Variants in REV3L observed in about 807,000 individuals in gnomAD.
The protein encoded by REV3L is REV3 like, DNA directed polymerase zeta catalytic subunit.
REV3L carries 69 observed loss-of-function variants against 299.4 expected under a neutral mutation model. The observed-to-expected ratio is 0.23, with a 90% CI of 0.19 to 0.28. The LOEUF is 0.28. Among genes scored for constraint, REV3L ranks in the 10% least tolerant of loss-of-function variants. The pLI, the probability that REV3L is intolerant of heterozygous loss-of-function variation, is 1.00. For synonymous variants in REV3L, 1,238 were observed against 1,271.4 expected, an observed-to-expected ratio of 0.97 and a Z score of 0.56; for missense variants, 3,128 against 3,693.8, an observed-to-expected ratio of 0.85 and a Z score of 3.97.
intron 12 of REV3L, 31 bp downstream of exon 12, chr6:111,377,670 C>T (rs773608342): frequency 1.3e-6 from 2 of 1,595,610 alleles, no homozygotes; most frequent in South Asian, 1.1e-5. Flanking sequence ...TCGTGAATAA[C>T]CAATTTCTCA....
intron 18 of REV3L, 30 bp from the exon 19 acceptor site, chr6:111,351,821 A>G: frequency 6.4e-6 from 9 of 1,405,150 alleles, no homozygotes; most frequent in Non-Finnish European, 9.0e-6. Flanking sequence ...AAGTTATATA[A>G]GTACCATACA....
At chr6:111,365,387 C>G in intron 14 of REV3L, 43 bp from the exon 15 acceptor site, 1 of 1,180,602 alleles carries the variant, frequency 8.5e-7, no homozygotes, top group Non-Finnish European at 1.2e-6. Flanking sequence ...ATCAAAATTA[C>G]CTGCTTCTGG....
intron 19 of REV3L, among the ~76,000 whole-genome samples, chr6:111,349,891 A>G (rs1212694150): frequency 6.6e-6 from 1 of 152,230 alleles, no homozygotes; most frequent in Non-Finnish European, 1.5e-5. Flanking sequence ...TCTTGAATGC[A>G]TATGGAGAAC....
chr6:111,463,032 C>T (rs1289264593), intron 1 of REV3L, among the ~76,000 whole-genome samples: 1 of 152,108 alleles, frequency 6.6e-6, no homozygotes, highest in African/African-American at 2.4e-5. Context: ...CTTGCAGTAG[C>T]TACTCTAGCT....
At chr6:111,418,431 G>C (rs763370578) in intron 1 of REV3L, among the ~76,000 whole-genome samples, 1 of 152,146 alleles carries the variant, frequency 6.6e-6, no homozygotes, top group Non-Finnish European at 1.5e-5. Context: ...CACATCTCCT[G>C]TGAAGTAGGG....
At chr6:111,442,524 T>C (rs1032524061) in intron 1 of REV3L, among the ~76,000 whole-genome samples, 1 of 152,256 alleles carries the variant, frequency 6.6e-6, no homozygotes, top group Admixed American at 6.5e-5. Flanking sequence ...AAACTGTCTA[T>C]ATATTAAGTA....
At chr6:111,425,512 A>T (rs1786071395) in intron 1 of REV3L, among the ~76,000 whole-genome samples, 1 of 152,172 alleles carries the variant, frequency 6.6e-6, no homozygotes, top group Admixed American at 6.5e-5. Flanking sequence ...AAATCACTGA[A>T]GAAATAAACT....
intron 1 of REV3L, among the ~76,000 whole-genome samples, chr6:111,455,590 C>T (rs921223603): frequency 2.0e-5 from 3 of 151,908 alleles, no homozygotes; most frequent in Non-Finnish European, 4.4e-5. Flanking sequence ...AACTGGGAGG[C>T]TATTATGATG....
chr6:111,302,458 C>T (rs576210908), intron 31 of REV3L, among the ~76,000 whole-genome samples: 2 of 152,128 alleles, frequency 1.3e-5, no homozygotes, highest in Non-Finnish European at 2.9e-5. Flanking sequence ...TGGTTTAAAC[C>T]CTGAGCATTA....
chr6:111,313,558 T>G, intron 27 of REV3L, 69 bp from the exon 28 acceptor site: 1 of 1,436,280 alleles, frequency 7.0e-7, no homozygotes, highest in Non-Finnish European at 9.3e-7. Context: ...TATTTTTATG[T>G]CTTTGTGCTT....
In REV3L at chr6:111,425,628, CACAA is replaced by C. The variant is rs533547926; in HGVS notation, c.140-9160_140-9157del. ...TCAACAAAAATAAAATTATAAAACA[CACAA>C]ACAGGCAAATATGGCACCATATATA... On this transcript the variant is annotated intron_variant, in intron 1 of 31. Coordinates refer to ENST00000368802, the MANE Select transcript of REV3L (RefSeq NM_001372078.1). Among the ~76,000 whole-genome samples the C allele has an allele frequency of 3.3e-5, 5 of 152,056 alleles. No individual in the cohort carries two copies. In the East Asian group the frequency reaches 9.7e-4, roughly 29 times the overall value.
At chr6:111,368,078 C>T (rs981453973) in intron 13 of REV3L, 50 bp from the exon 14 acceptor site, 2 of 1,460,504 alleles carry the variant, frequency 1.4e-6, no homozygotes, top group Non-Finnish European at 1.8e-6. Context: ...GAGCAATTAC[C>T]AAAATATTTA....
At chr6:111,475,554 G>A (rs554947139) in intron 1 of REV3L, among the ~76,000 whole-genome samples, 1 of 152,128 alleles carries the variant, frequency 6.6e-6, no homozygotes, top group African/African-American at 2.4e-5. Flanking sequence ...TTTGATAGGT[G>A]ACAAAGAGTA....
At chr6:111,441,730 A>G (rs1431997409) in intron 1 of REV3L, among the ~76,000 whole-genome samples, 1 of 152,016 alleles carries the variant, frequency 6.6e-6, no homozygotes, top group Non-Finnish European at 1.5e-5. Context: ...TATTTTCTCT[A>G]CTGTCCTTGT....
intron 25 of REV3L, among the ~76,000 whole-genome samples, chr6:111,325,351 T>G (rs553214355): frequency 1.3e-5 from 2 of 152,352 alleles, no homozygotes; most frequent in East Asian, 1.9e-4. Context: ...TAAGTCCAAC[T>G]GAGACAGAGA....
rs957881987 is a variant in REV3L, at chr6:111,392,898, A to G, written c.640T>C (p.Trp214Arg). The change falls in exon 5 of 32, where the codon TGG (tryptophan) becomes CGG (arginine). Residue 214 changes from tryptophan (W) to arginine (R), a missense_variant. Around this residue, in one of 9 missense-constraint regions of REV3L, gnomAD observed 2,409 missense variants for 2,611.8 expected, o/e 0.92. Coordinates refer to ENST00000368802, the MANE Select transcript of REV3L (RefSeq NM_001372078.1). ...GNSLADTLFR[W>R]EQDEIPSSLI... ...AACCTTGGTATTTCATCTTGTTCCC[A>G]CCGAAATAAAGTATCAGCAAGAGAA... The G allele has an allele frequency of 1.9e-6, 3 of 1,611,332 alleles. No homozygotes were observed. Among genetic ancestry groups the G allele is most frequent in the Non-Finnish European group, 1.7e-6 (2 of 1,177,634 alleles).
At position 111,376,544 on chromosome 6, in the gene REV3L, T is replaced by C. The variant is rs1182133187; in HGVS notation, c.1811A>G (p.Lys604Arg). The C allele has an allele frequency of 3.1e-6, 5 of 1,612,080 alleles. No individual in the cohort carries two copies. Among genetic ancestry groups the C allele is most frequent in the African/African-American group, 1.3e-5 (1 of 74,768 alleles). ...DLIEDLSQTNKNTEKGLDNSV... is the reference protein window; with the variant it reads ...DLIEDLSQTNRNTEKGLDNSV... ...GTTATCTAGACCTTTTTCTGTATTT[T>C]TGTTTGTCTGTGAAAGGTCTTCAAT... Residue 604 changes from lysine (K) to arginine (R), a missense_variant, in exon 13 of 32, where the codon AAA (lysine) becomes AGA (arginine). Coordinates refer to ENST00000368802, the MANE Select transcript of REV3L (RefSeq NM_001372078.1).
At chr6:111,481,607 T>C (rs1793657363) in intron 1 of REV3L, among the ~76,000 whole-genome samples, 1 of 152,180 alleles carries the variant, frequency 6.6e-6, no homozygotes, top group South Asian at 2.1e-4. Context: ...ACTGTAGTAA[T>C]AAGATGAATG....
At chr6:111,386,906 G>C (rs911122957) in intron 9 of REV3L, among the ~76,000 whole-genome samples, 2 of 151,838 alleles carry the variant, frequency 1.3e-5, no homozygotes, top group African/African-American at 4.8e-5. Flanking sequence ...ATTTTTAGTA[G>C]AGACAGAGTT....
Sources: allele counts gnomAD v4.1 joint callset (sites outside exome capture counted in the v4.1 genomes callset), GRCh38; gene constraint gnomAD v4.1.1; regional missense constraint gnomAD v4.1.1; transcripts MANE v1.5; gene names NCBI Gene and HGNC (gene_info 2026-07-23, HGNC 2026-07-21).